The following CNTN4 variants were observed in gnomAD, a reference collection of about 807,000 sequenced individuals.
The protein encoded by CNTN4 is contactin-4.
Under a neutral mutation model 122.5 loss-of-function variants are expected in CNTN4, and 77 were observed. The ratio of observed to expected loss-of-function variants is 0.63; its 90% confidence interval spans 0.52 to 0.76. The LOEUF (loss-of-function observed/expected upper bound fraction) is 0.76, where lower values mean the gene tolerates loss of function less well. Among genes scored for constraint, CNTN4 ranks in the 30% least tolerant of loss-of-function variants. The pLI is 0.00. For missense variants in CNTN4, 1,256 were observed against 1,259.1 expected (o/e 1.00, Z 0.04); for synonymous variants, 512 against 447.0 (o/e 1.15, Z -1.83).
intron 13 of CNTN4, among the ~76,000 whole-genome samples, chr3:2,954,487 GT>G (rs1039129142): frequency 2.0e-5 from 3 of 150,222 alleles, no homozygotes; most frequent in Non-Finnish European, 4.4e-5. Flanking sequence ...ATATTTATCA[GT>G]TTTTTTTCTC....
chr3:2,360,594 A>G (rs1022525194), intron 3 of CNTN4, among the ~76,000 whole-genome samples: 1 of 152,192 alleles, frequency 6.6e-6, no homozygotes, highest in Non-Finnish European at 1.5e-5. Context: ...TCACAGTTCA[A>G]CATGGCTGGG....
intron 4 of CNTN4, among the ~76,000 whole-genome samples, chr3:2,656,574 T>C (rs2083600262): frequency 6.6e-6 from 1 of 152,248 alleles, no homozygotes. Flanking sequence ...TAATGCGGAC[T>C]AACTTAACAT....
chr3:2,667,828 G>C (rs2084262061), intron 4 of CNTN4, among the ~76,000 whole-genome samples: 1 of 151,716 alleles, frequency 6.6e-6, no homozygotes, highest in African/African-American at 2.4e-5. Flanking sequence ...ATTTTTCCTA[G>C]CACCATTTAT....
At chr3:3,039,357 A>G (rs936678084) in intron 19 of CNTN4, 7 of 224,624 alleles carry the variant, frequency 3.1e-5, no homozygotes, top group Non-Finnish European at 5.4e-5. Context: ...CAATAGATTC[A>G]GTGCACCAGC....
At chr3:2,299,971 T>C (rs2042446371) in intron 2 of CNTN4, among the ~76,000 whole-genome samples, 1 of 152,208 alleles carries the variant, frequency 6.6e-6, no homozygotes, top group Non-Finnish European at 1.5e-5. Context: ...ATATTTTATT[T>C]AGCGTTCCAC....
intron 3 of CNTN4, among the ~76,000 whole-genome samples, chr3:2,544,881 T>C (rs1414373774): frequency 9.2e-5 from 14 of 152,056 alleles, no homozygotes; most frequent in Admixed American, 7.9e-4. Context: ...TCAGTTCAGC[T>C]CTGATTTTGG....
intron 3 of CNTN4, among the ~76,000 whole-genome samples, chr3:2,353,690 C>T (rs772393708): frequency 2.2e-4 from 33 of 152,034 alleles, no homozygotes; most frequent in Non-Finnish European, 3.4e-4. Context: ...TTGAAGTCAG[C>T]GAGACCAAGA....
At chr3:2,376,688 T>TTAAAA (rs35914209) in intron 3 of CNTN4, among the ~76,000 whole-genome samples, 1 of 134,380 alleles carries the variant, frequency 7.4e-6, no homozygotes, top group East Asian at 2.2e-4. Flanking sequence ...ACTTGTATGT[T>TTAAAA]AAAAAAAAAA....
At chr3:2,121,158 G>C (rs879406630) in intron 2 of CNTN4, among the ~76,000 whole-genome samples, 1 of 133,718 alleles carries the variant, frequency 7.5e-6, no homozygotes, top group African/African-American at 2.8e-5. Flanking sequence ...TCCTCTCTTT[G>C]TTCCTTCCTC....
In CNTN4 at chr3:2,169,468, G is replaced by A. The variant is rs141953717; in HGVS notation, c.-145+68829G>A. Among the ~76,000 whole-genome samples the A allele has an allele frequency of 4.4e-4, 67 of 151,954 alleles. No individual in the cohort carries two copies. The East Asian group carries it at 0.011, about 26-fold the overall frequency. Reference sequence around the variant, plus strand: ...GTCACTCAGGCTGGAGTGCGGTGGCGCGATCTCGGCTCACTGCAAGCTCCG... The same window carrying A: ...GTCACTCAGGCTGGAGTGCGGTGGCACGATCTCGGCTCACTGCAAGCTCCG... On this transcript the variant is annotated intron_variant, in intron 2 of 24. Coordinates refer to ENST00000418658, the MANE Select transcript of CNTN4 (RefSeq NM_175607.3).
rs563863416 is a variant in CNTN4 at position 2,487,850 on chromosome 3, T to G, written c.-88-83566T>G. ...ACAATATTAGCATTTAGTAGCAAAT[T>G]AATTTTCGCAGTAACAAATGACATG... On this transcript the variant is annotated intron_variant, in intron 3 of 24. Coordinates refer to ENST00000418658, the MANE Select transcript of CNTN4 (RefSeq NM_175607.3). Among the ~76,000 whole-genome samples, 24 of 152,336 alleles carry G rather than the reference T, an allele frequency of 1.6e-4. No individual in the cohort carries two copies. The South Asian group carries it at 3.3e-3, about 21-fold the overall frequency.
At chr3:2,554,154 G>T (rs1247857453) in intron 3 of CNTN4, among the ~76,000 whole-genome samples, 1 of 152,150 alleles carries the variant, frequency 6.6e-6, no homozygotes, top group East Asian at 1.9e-4. Flanking sequence ...ATGTATTCAA[G>T]TGAGCGAATA....
chr3:2,252,781 G>A (rs1449410008), intron 2 of CNTN4, among the ~76,000 whole-genome samples: 4 of 152,048 alleles, frequency 2.6e-5, no homozygotes, highest in African/African-American at 9.7e-5. Flanking sequence ...CCAAAACACT[G>A]TAACATTTGG....
chr3:3,012,835 G>A (rs1378095645), intron 14 of CNTN4, among the ~76,000 whole-genome samples: 1 of 151,920 alleles, frequency 6.6e-6, no homozygotes, highest in Non-Finnish European at 1.5e-5. Context: ...AGGCATGGTG[G>A]TGCATGCCTG....
rs539379883 is a variant in CNTN4, at chr3:2,758,058, A to G, written c.358+12361A>G. 1.7e-3 allele frequency among the ~76,000 whole-genome samples: 261 copies of G among 152,232 alleles called. 1 individual carries two copies. The highest frequency in any genetic ancestry group is 6.0e-3 in the African/African-American group (248 of 41,522). On this transcript the variant is annotated intron_variant, in intron 6 of 24. Transcript: ENST00000418658. ...CAAATTGAATGCAGTCTAGTGTGGTAGGTAATCTGTTAGCTCTACCTCATA... is the reference window on the plus strand; with the variant it reads ...CAAATTGAATGCAGTCTAGTGTGGTGGGTAATCTGTTAGCTCTACCTCATA...
chr3:2,380,487 G>A (rs557382905), intron 3 of CNTN4, among the ~76,000 whole-genome samples: 185 of 152,268 alleles, frequency 1.2e-3, no homozygotes, highest in African/African-American at 4.2e-3. Flanking sequence ...GTATGAATTT[G>A]AATAGTAACG....
At chr3:2,286,503 C>T (rs973100928) in intron 2 of CNTN4, among the ~76,000 whole-genome samples, 4 of 151,740 alleles carry the variant, frequency 2.6e-5, no homozygotes, top group Non-Finnish European at 5.9e-5. Flanking sequence ...ACAAGAGTAA[C>T]ATAAAACTTA....
chr3:2,450,367 A>AAAATAAAT (rs56349378), intron 3 of CNTN4, among the ~76,000 whole-genome samples: 26,068 of 148,350 alleles, frequency 0.18, 2,888 homozygotes, highest in Non-Finnish European at 0.25. Context: ...ACTCTGTCTC[A>AAAATAAAT]AAATAAATAA....
At chr3:2,856,628 C>G (rs1454291725) in intron 7 of CNTN4, among the ~76,000 whole-genome samples, 2 of 152,222 alleles carry the variant, frequency 1.3e-5, no homozygotes, top group Non-Finnish European at 2.9e-5. Context: ...AGCCCTCCCA[C>G]TGTGTCTTCT....
Sources: gnomAD v4.1 joint callset for allele counts (sites outside exome capture counted in the v4.1 genomes callset) on GRCh38, gnomAD v4.1.1 for gene constraint, MANE v1.5 for transcripts, NCBI Gene and HGNC (gene_info 2026-07-23, HGNC 2026-07-21) for gene names.